MGA: variants seen among roughly 807,000 people sequenced by gnomAD.
The protein encoded by MGA is MAX dimerization protein MGA.
In MGA, 40 loss-of-function variants were observed where a neutral mutation model predicts 261.1. The observed-to-expected ratio is 0.15, with a 90% CI of 0.12 to 0.20. The LOEUF (loss-of-function observed/expected upper bound fraction) is 0.20, where lower values mean the gene tolerates loss of function less well. MGA is among the 10% of genes least tolerant of loss of function. The pLI, the probability that MGA is intolerant of heterozygous loss-of-function variation, is 1.00. For missense variants in MGA, 3,397 were observed against 3,630.5 expected, an observed-to-expected ratio of 0.94 and a Z score of 1.65; for synonymous variants, 1,302 against 1,290.6, an observed-to-expected ratio of 1.01 and a Z score of -0.19.
intron 11 of MGA, among the ~76,000 whole-genome samples, chr15:41,731,720 A>G (rs1283674306): frequency 2.0e-5 from 3 of 152,220 alleles, no homozygotes; most frequent in African/African-American, 7.2e-5. Context: ...ATATAATCCT[A>G]ATTATACACT....
At position 41,754,455 on chromosome 15, in the gene MGA, A is replaced by G; in HGVS notation, c.7027A>G (p.Ile2343Val). Residue 2343 changes from isoleucine (I) to valine (V), a missense_variant, in exon 18 of 24, where the codon ATT becomes GTT. Transcript: ENST00000219905. ...ATTTCAGAATAACTGTGTAGAATAC[A>G]TTGAGGATGATGAGGAGCACGTGGA... is the stretch of plus-strand genomic sequence containing the variant. 2 of 1,553,146 alleles carry G rather than the reference A, an allele frequency of 1.3e-6. No homozygotes were observed. Among genetic ancestry groups the G allele is most frequent in the Non-Finnish European group, 1.7e-6 (2 of 1,147,966 alleles).
rs1290809666 is a variant in MGA at position 41,669,877 on chromosome 15, T to C, written c.983T>C (p.Ile328Thr). ...GGTTTGGAGAAGACTTCCCTTAATA[T>C]AAAACGAGACTTTCTTGGTTTCATG... The change falls in exon 2 of 24, where the codon ATA (isoleucine) becomes ACA (threonine). Residue 328 changes from isoleucine (I) to threonine (T), a missense_variant. Coordinates refer to ENST00000219905, the MANE Select transcript of MGA (RefSeq NM_001164273.2). The C allele has an allele frequency of 1.2e-6, 2 of 1,613,880 alleles. No homozygotes were observed. The highest frequency in any genetic ancestry group is 1.3e-5 in the African/African-American group (1 of 74,918).
chr15:41,701,580 G>C (rs2059857873), intron 5 of MGA, among the ~76,000 whole-genome samples: 1 of 152,136 alleles, frequency 6.6e-6, no homozygotes, highest in African/African-American at 2.4e-5. Context: ...GACTCTGGTC[G>C]GGTAGAGTAC....
In MGA at chr15:41,746,468, C is replaced by A. The variant is rs925576715; in HGVS notation, c.5213-2169C>A. 3.3e-5 allele frequency among the ~76,000 whole-genome samples: 5 copies of A among 149,328 alleles called. No homozygotes were observed. In the South Asian group the frequency reaches 1.1e-3, roughly 32 times the overall value. ...GCTGAGGCAGGAGAATCGCTTGAAC[C>A]CGGGAGGCGGAGGTTTCAGTGAGCC... On this transcript the variant is annotated intron_variant, in intron 15 of 23. Coordinates refer to ENST00000219905, the MANE Select transcript of MGA (RefSeq NM_001164273.2).
At chr15:41,741,704 C>CT (rs1237211946) in intron 14 of MGA, among the ~76,000 whole-genome samples, 1 of 152,004 alleles carries the variant, frequency 6.6e-6, no homozygotes, top group Non-Finnish European at 1.5e-5. Flanking sequence ...TAGGAACACT[C>CT]TATTTAATTT....
intron 17 of MGA, among the ~76,000 whole-genome samples, chr15:41,754,051 T>C (rs1308097938): frequency 6.6e-6 from 1 of 152,152 alleles, no homozygotes; most frequent in East Asian, 1.9e-4. Context: ...TCCGAGTAGC[T>C]GTAATTATAG....
Position 41,669,762 on chromosome 15 carries a change from C to T in MGA, c.868C>T (p.His290Tyr), listed in dbSNP as rs780859003. The change falls in exon 2 of 24, where the codon CAT becomes TAT. Residue 290 changes from histidine to tyrosine, a missense_variant. Physicochemically the swap from His to Tyr is moderately conservative, Grantham distance 83 (BLOSUM62 2). Transcript: ENST00000219905. ...GAATAATATTTCCAGTTCTTCTGGT[C>T]ATCGGGTCCGTCTTACAGAAGGTCA... 7.4e-6 allele frequency: 12 copies of T among 1,613,762 alleles called. No individual in the cohort carries two copies. Among genetic ancestry groups the T allele is most frequent in the Non-Finnish European group, 1.0e-5 (12 of 1,179,838 alleles).
At chr15:41,751,695 G>A (rs1039416405) in intron 17 of MGA, 1 of 152,242 alleles carries the variant, frequency 6.6e-6, no homozygotes, top group Non-Finnish European at 1.5e-5. Context: ...TTGCACTCCA[G>A]CCTGGGCGAC....
At chr15:41,714,478 A>T (rs1010894635) in intron 9 of MGA, among the ~76,000 whole-genome samples, 4 of 152,178 alleles carry the variant, frequency 2.6e-5, no homozygotes, top group African/African-American at 9.7e-5. Flanking sequence ...GACTTGTGCC[A>T]ACTTCAGACG....
chr15:41,767,160 C>T lies in MGA; in HGVS notation c.9078C>T (p.His3026=), dbSNP rs563945801. The T allele has an allele frequency of 6.2e-7, 1 of 1,613,966 alleles. No individual in the cohort carries two copies. Among genetic ancestry groups the T allele is most frequent in the African/African-American group, 1.3e-5 (1 of 75,042 alleles). Residue 3026 remains histidine, a synonymous_variant, in exon 24 of 24, where the codon CAC becomes CAT. Coordinates refer to ENST00000219905, the MANE Select transcript of MGA (RefSeq NM_001164273.2). ...CTGCCAAAGTTGGGTCAGTTGGACA[C>T]AAAATGAACTTAACAGGGAATGACC...
chr15:41,741,219 C>T (rs531626847), intron 14 of MGA, among the ~76,000 whole-genome samples: 176 of 151,850 alleles, frequency 1.2e-3, no homozygotes, highest in Non-Finnish European at 2.3e-3. Context: ...TGGTGGCATG[C>T]GCCTGTAGTC....
In MGA at chr15:41,678,036, T is replaced by C. The variant is rs371937916; in HGVS notation, c.1064+8078T>C. Among the ~76,000 whole-genome samples, 5 of 152,144 alleles carry C rather than the reference T, an allele frequency of 3.3e-5. No individual in the cohort carries two copies. In the East Asian group the frequency reaches 5.8e-4, roughly 18 times the overall value. On this transcript the variant is annotated intron_variant, in intron 2 of 23. Coordinates refer to ENST00000219905, the MANE Select transcript of MGA (RefSeq NM_001164273.2). ...TAGAAAGAGTTTCCCTTATGTTTCT[T>C]ACTAAGAGTTTTATAGTTTTACCTC...
chr15:41,693,734 T>C (rs931311713), intron 2 of MGA, among the ~76,000 whole-genome samples: 45 of 152,274 alleles, frequency 3.0e-4, no homozygotes, highest in African/African-American at 1.0e-3. Context: ...TGGCTGAGGA[T>C]AAATTATATT....
At chr15:41,729,050 C>A in intron 10 of MGA, 114 bp from the exon 11 acceptor site, 1 of 1,045,972 alleles carries the variant, frequency 9.6e-7, no homozygotes, top group Non-Finnish European at 1.4e-6. Context: ...TGAAAGTTTG[C>A]ATTAAAAAAT....
intron 10 of MGA, among the ~76,000 whole-genome samples, chr15:41,727,659 A>G (rs915438823): frequency 6.6e-6 from 1 of 152,216 alleles, no homozygotes; most frequent in Non-Finnish European, 1.5e-5. Context: ...GCTTTTTTAC[A>G]TGGCTTGGAA....
intron 4 of MGA, 60 bp downstream of exon 4, chr15:41,699,001 T>C: frequency 6.5e-7 from 1 of 1,549,768 alleles, no homozygotes; most frequent in Non-Finnish European, 8.8e-7. Flanking sequence ...CAATGAAACA[T>C]GCAACATTCA....
intron 1 of MGA, among the ~76,000 whole-genome samples, chr15:41,638,558 G>C (rs1186053594): frequency 6.6e-6 from 1 of 151,586 alleles, no homozygotes; most frequent in Admixed American, 6.6e-5. Context: ...TTGTAGACGG[G>C]GTCTTCCTAT....
intron 14 of MGA, 104 bp downstream of exon 14, chr15:41,740,307 C>A: frequency 8.0e-7 from 1 of 1,242,650 alleles, no homozygotes; most frequent in Non-Finnish European, 1.1e-6. Flanking sequence ...TGTACTTTGG[C>A]ATTATTCTTA....
At chr15:41,656,993 G>T (rs2057217170), upstream of MGA, among the ~76,000 whole-genome samples, 1 of 151,998 alleles carries the variant, frequency 6.6e-6, no homozygotes, top group African/African-American at 2.4e-5. Flanking sequence ...GGCTGGTTTT[G>T]AACTCCTGGG....
Sources: allele counts gnomAD v4.1 joint callset (sites outside exome capture counted in the v4.1 genomes callset), GRCh38; gene constraint gnomAD v4.1.1; transcripts MANE v1.5; gene names NCBI Gene and HGNC (gene_info 2026-07-23, HGNC 2026-07-21).